The following FAM174A variants were observed in gnomAD, a reference collection of about 807,000 sequenced individuals.
FAM174A encodes family with sequence similarity 174 member A.
A neutral mutation model predicts 14.3 loss-of-function variants in FAM174A; 14 were observed. That is an observed-to-expected ratio of 0.98 (90% CI 0.65 to 1.53). FAM174A has a LOEUF of 1.53. FAM174A is among the 40% of genes most tolerant of loss of function. The pLI is 0.00. For missense variants in FAM174A, 241 were observed against 249.6 expected, an observed-to-expected ratio of 0.97 and a Z score of 0.23; for synonymous variants, 108 against 111.4, an observed-to-expected ratio of 0.97 and a Z score of 0.19.
intron 1 of FAM174A, among the ~76,000 whole-genome samples, chr5:100,559,300 GAGATC>G (rs1169752965): frequency 6.6e-6 from 1 of 152,138 alleles, no homozygotes; most frequent in Non-Finnish European, 1.5e-5. Context: ...TTTCTGCCAA[GAGATC>G]AGCTGTTAGT....
chr5:100,554,679 C>G (rs1439424554), intron 1 of FAM174A, among the ~76,000 whole-genome samples: 1 of 152,076 alleles, frequency 6.6e-6, no homozygotes, highest in Non-Finnish European at 1.5e-5. Context: ...TAATTACTTT[C>G]ATAAGTCTAA....
At chr5:100,551,852 C>T (rs1580366383) in intron 1 of FAM174A, among the ~76,000 whole-genome samples, 1 of 152,034 alleles carries the variant, frequency 6.6e-6, no homozygotes, top group Non-Finnish European at 1.5e-5. Context: ...CCAAAATTTC[C>T]CTGTTTATAA....
At chr5:100,563,457 A>T (rs1746572046) in intron 2 of FAM174A, among the ~76,000 whole-genome samples, 1 of 151,906 alleles carries the variant, frequency 6.6e-6, no homozygotes, top group Admixed American at 6.6e-5. Context: ...AAGATATGAC[A>T]ATTAGTATGA....
chr5:100,581,221 C>A, intron 2 of FAM174A: 1 of 228,742 alleles, frequency 4.4e-6, no homozygotes, highest in Non-Finnish European at 7.2e-6. Context: ...TGAGCCACTG[C>A]ACAAGGCCTG....
Position 100,535,608 on chromosome 5 carries a change from A to G in FAM174A, c.78A>G (p.Leu26=). Residue 26 remains leucine, a synonymous_variant, in exon 1 of 3, where the codon CTA becomes CTG. Coordinates refer to ENST00000312637, the MANE Select transcript of FAM174A (RefSeq NM_198507.3). ...TCCTCCTGCTGTTGCTGCCTGAACT[A>G]AGCGGGCCCCTGGCAGTCCTGCTGC... is the stretch of plus-strand genomic sequence containing the variant. The part of the protein sequence containing the change: ...SVLLLLLLPE[L]SGPLAVLLQA... The G allele has an allele frequency of 6.2e-7, 1 of 1,613,290 alleles. No homozygotes were observed. Among genetic ancestry groups the G allele is most frequent in the Non-Finnish European group, 8.5e-7 (1 of 1,179,940 alleles).
chr5:100,553,757 A>G (rs561553037), intron 1 of FAM174A, among the ~76,000 whole-genome samples: 4 of 152,298 alleles, frequency 2.6e-5, no homozygotes, highest in South Asian at 4.1e-4. Context: ...GATAGAATAA[A>G]GAATAAAATG....
At chr5:100,561,895 G>A (rs1242195619) in intron 1 of FAM174A, among the ~76,000 whole-genome samples, 159 bp from the exon 2 acceptor site, 3 of 151,896 alleles carry the variant, frequency 2.0e-5, no homozygotes, top group Non-Finnish European at 4.4e-5. Flanking sequence ...TTTGTTTCAT[G>A]AAGTTTAATC....
intron 1 of FAM174A, among the ~76,000 whole-genome samples, chr5:100,536,585 T>C (rs1426246538): frequency 6.6e-6 from 1 of 152,178 alleles, no homozygotes. Context: ...TGGCAGAGAA[T>C]CACCTTCCTG....
rs1320114272 is a variant in FAM174A, at chr5:100,551,608, C to T, written c.435-10446C>T. Reference sequence around the variant, plus strand: ...TCACAGGCCCTTCCCTAACAATTCTCTTGTATTCTATATTAATTTGTTAGA... The same window carrying T: ...TCACAGGCCCTTCCCTAACAATTCTTTTGTATTCTATATTAATTTGTTAGA... On this transcript the variant is annotated intron_variant, in intron 1 of 2. Coordinates refer to ENST00000312637, the MANE Select transcript of FAM174A (RefSeq NM_198507.3). Among the ~76,000 whole-genome samples the T allele has an allele frequency of 2.0e-5, 3 of 152,242 alleles. No individual in the cohort carries two copies. In the East Asian group the frequency reaches 5.8e-4, roughly 29 times the overall value.
chr5:100,581,338 T>C (rs1747007609), intron 2 of FAM174A: 1 of 982,242 alleles, frequency 1.0e-6, no homozygotes, highest in African/African-American at 1.7e-5. Context: ...GATTCTCCAC[T>C]TTTTTCAGAC....
At position 100,545,904 on chromosome 5, in the gene FAM174A, T is replaced by C. The variant is rs115117754; in HGVS notation, c.434+9940T>C. ...TTATTTTTCCTGTCATTATGTATAC[T>C]GTAGACACCTTAAATTTATATAGAT... On this transcript the variant is annotated intron_variant, in intron 1 of 2. Transcript: ENST00000312637. Among the ~76,000 whole-genome samples the C allele has an allele frequency of 8.1e-3, 1,232 of 152,318 alleles. 14 individuals carry two copies. Among genetic ancestry groups the C allele is most frequent in the African/African-American group, 0.028 (1,173 of 41,570 alleles).
chr5:100,565,618 A>G (rs1746627349), intron 2 of FAM174A, among the ~76,000 whole-genome samples: 1 of 151,970 alleles, frequency 6.6e-6, no homozygotes, highest in East Asian at 1.9e-4. Context: ...TTACCTTATG[A>G]TTTAGCAGTT....
intron 1 of FAM174A, among the ~76,000 whole-genome samples, chr5:100,543,372 C>G (rs1034833528): frequency 2.6e-5 from 4 of 152,190 alleles, no homozygotes; most frequent in Admixed American, 2.6e-4. Flanking sequence ...CCTGCCTTGG[C>G]CTCCTAAAGT....
intron 2 of FAM174A, among the ~76,000 whole-genome samples, chr5:100,571,398 T>C (rs572806576): frequency 1.3e-5 from 2 of 151,610 alleles, no homozygotes; most frequent in East Asian, 3.9e-4. Context: ...GCTATTCAGA[T>C]TTTCTGTTAC....
intron 1 of FAM174A, among the ~76,000 whole-genome samples, chr5:100,559,347 C>T (rs952671441): frequency 6.6e-6 from 1 of 152,070 alleles, no homozygotes; most frequent in Admixed American, 6.6e-5. Context: ...GTAACCCGAC[C>T]GTTTTCTCTG....
At chr5:100,580,206 C>T (rs1371380829) in intron 2 of FAM174A, among the ~76,000 whole-genome samples, 2 of 152,142 alleles carry the variant, frequency 1.3e-5, no homozygotes, top group East Asian at 3.8e-4. Flanking sequence ...CTGACAGCTA[C>T]TGTAAGATGC....
chr5:100,536,082 T>G lies in FAM174A; in HGVS notation c.434+118T>G, dbSNP rs574798483. ...TTCCCCAGCATCAGGGACTCCTGCT[T>G]AAGAATATGATATTGACTTTCTTAA... On this transcript the variant is annotated intron_variant, in intron 1 of 2. Transcript: ENST00000312637. 14 of 878,370 alleles carry G rather than the reference T, an allele frequency of 1.6e-5. No homozygotes were observed. The East Asian group carries it at 4.0e-4, about 25-fold the overall frequency. 54.4% of individuals were successfully genotyped at this position (878,370 alleles called of 1,614,324 possible).
chr5:100,573,611 G>A (rs950311232), intron 2 of FAM174A, among the ~76,000 whole-genome samples: 2 of 151,380 alleles, frequency 1.3e-5, no homozygotes, highest in African/African-American at 4.9e-5. Flanking sequence ...CCATGCTCAA[G>A]GGTAGGAAGA....
Position 100,535,574 on chromosome 5 carries a change from C to T in FAM174A, c.44C>T (p.Ala15Val). Residue 15 changes from alanine to valine, a missense_variant, in exon 1 of 3, where the codon GCT becomes GTT. Ala to Val is a moderately conservative substitution (Grantham distance 64). Transcript: ENST00000312637. ...QCCCCLSHLL[A>V]SVLLLLLLPE... The stretch of plus-strand genomic sequence containing the variant: ...TGCTGCTGTCTCAGCCACCTCTTGG[C>T]TTCCGTCCTCCTCCTGCTGTTGCTG... 1.2e-6 allele frequency: 2 copies of T among 1,613,282 alleles called. No homozygotes were observed. Among genetic ancestry groups the T allele is most frequent in the Non-Finnish European group, 1.7e-6 (2 of 1,179,974 alleles).
Sources: gnomAD v4.1 joint callset for allele counts (sites outside exome capture counted in the v4.1 genomes callset) on GRCh38, gnomAD v4.1.1 for gene constraint, MANE v1.5 for transcripts, NCBI Gene and HGNC (gene_info 2026-07-23, HGNC 2026-07-21) for gene names.